Variants in PPP1R3G observed in about 807,000 individuals in gnomAD.
The protein encoded by PPP1R3G is protein phosphatase 1, regulatory (inhibitor) subunit 3G.
Under a neutral mutation model 2.0 loss-of-function variants are expected in PPP1R3G, and 3 were observed. The observed-to-expected ratio is 1.47, with a 90% CI of 0.67 to 3.81. The LOEUF is 3.81. Among genes scored for constraint, PPP1R3G ranks in the 30% most tolerant of loss-of-function variants. The pLI is 0.02. For missense variants in PPP1R3G, 595 were observed against 517.0 expected (o/e 1.15, Z -1.46); for synonymous variants, 267 against 250.9 (o/e 1.06, Z -0.61).
At position 5,085,640 on chromosome 6, in the gene PPP1R3G, C is replaced by A. The variant is rs926951900; in HGVS notation, c.155C>A (p.Ala52Asp). 6.5e-7 allele frequency: 1 copy of A among 1,548,828 alleles called. No homozygotes were observed. Among genetic ancestry groups the A allele is most frequent in the Non-Finnish European group, 8.7e-7 (1 of 1,146,564 alleles). The change falls in exon 1 of 1, where the codon GCT becomes GAT. Residue 52 changes from alanine to aspartate, a missense_variant. By Grantham distance (126) the Ala-to-Asp change is moderately radical. Transcript: ENST00000405617. ...GGASETPSPD[A>D]QLGDRPLSPK... The stretch of plus-strand genomic sequence containing the variant: ...GCTTCGGAGACCCCGAGTCCTGACG[C>A]TCAGCTAGGGGATAGGCCCCTGTCC...
chr6:5,086,703 C>T lies in PPP1R3G; in HGVS notation c.*141C>T. 2.8e-6 allele frequency: 2 copies of T among 707,944 alleles called. No homozygotes were observed. The highest frequency in any genetic ancestry group is 4.6e-6 in the Non-Finnish European group (2 of 436,382). The allele number at this position is 707,944 out of a possible 1,614,324, so 43.9% of individuals were successfully genotyped here. On this transcript the variant is annotated 3_prime_UTR_variant, in exon 1 of 1. Transcript: ENST00000405617. ...GGCGCGTGGAGGGAAAGGAGGGAGACTTTGAACCGTCGACTCGCACCCCCG... is the reference window on the plus strand; with the variant it reads ...GGCGCGTGGAGGGAAAGGAGGGAGATTTTGAACCGTCGACTCGCACCCCCG...
At position 5,088,910 on chromosome 6, in the gene PPP1R3G, C is replaced by T. The variant is rs542690036; in HGVS notation, c.*2348C>T. ...ATCAGTGCAACTGAAACATAGCACC[C>T]GTTTGAATTGGCTTCAAACTACAAA... On this transcript the variant is annotated 3_prime_UTR_variant, in exon 1 of 1. Transcript: ENST00000405617. The T allele has an allele frequency of 2.6e-5, 4 of 152,158 alleles. No homozygotes were observed. Among genetic ancestry groups the T allele is most frequent in the East Asian group, 1.9e-4 (1 of 5,192 alleles). The allele number at this position is 152,158 out of a possible 1,614,324, so 9.4% of individuals were successfully genotyped here.
At position 5,086,680 on chromosome 6, in the gene PPP1R3G, C is replaced by T. The variant is rs7762571; in HGVS notation, c.*118C>T. 0.028 allele frequency: 23,002 copies of T among 829,904 alleles called. 1,386 individuals carry two copies. The highest frequency in any genetic ancestry group is 0.2 in the African/African-American group (11,546 of 57,690). The allele number at this position is 829,904 out of a possible 1,614,324, so 51.4% of individuals were successfully genotyped here. A position where few individuals can be genotyped will look rare whatever the true frequency, so the allele number is the denominator to read the frequency against. Reference sequence around the variant, plus strand: ...AGCGTGGCGAGTCTGGCGTGAGGGGCGCGTGGAGGGAAAGGAGGGAGACTT... The same window carrying T: ...AGCGTGGCGAGTCTGGCGTGAGGGGTGCGTGGAGGGAAAGGAGGGAGACTT... On this transcript the variant is annotated 3_prime_UTR_variant, in exon 1 of 1. Coordinates refer to ENST00000405617, the MANE Select transcript of PPP1R3G (RefSeq NM_001145115.3).
rs1256080221 is a variant in PPP1R3G at position 5,087,362 on chromosome 6, C to G, written c.*800C>G. 2 of 152,376 alleles carry G rather than the reference C, an allele frequency of 1.3e-5. No individual in the cohort carries two copies. The highest frequency in any genetic ancestry group is 4.8e-5 in the African/African-American group (2 of 41,586). The allele number at this position is 152,376 out of a possible 1,614,324, so 9.4% of individuals were successfully genotyped here. On this transcript the variant is annotated 3_prime_UTR_variant, in exon 1 of 1. Coordinates refer to ENST00000405617, the MANE Select transcript of PPP1R3G (RefSeq NM_001145115.3). The stretch of plus-strand genomic sequence containing the variant: ...AAATTCCTCCCCTTCGTTCCTTCCT[C>G]TCTACTGCGAAAGGGCCCAAACTTC...
chr6:5,086,088 C>T lies in PPP1R3G; in HGVS notation c.603C>T (p.Phe201=), dbSNP rs757373670. ...SAPPSRLRPL[F]QLPGPSAAAE... is the part of the protein sequence containing the mutation. ...CGCCTTCCCGGCTCCGGCCGCTCTT[C>T]CAGCTCCCGGGGCCGAGCGCCGCGG... is the stretch of plus-strand genomic sequence containing the variant. The change falls in exon 1 of 1, where the codon TTC becomes TTT. Residue 201 remains phenylalanine (F), a synonymous_variant. Transcript: ENST00000405617. 18 of 1,467,890 alleles carry T rather than the reference C, an allele frequency of 1.2e-5. No individual in the cohort carries two copies. The South Asian group carries it at 2.4e-4, about 20-fold the overall frequency. The allele number at this position is 1,467,890 out of a possible 1,614,324, so 90.9% of individuals were successfully genotyped here.
rs943594344 is a variant in PPP1R3G at position 5,088,640 on chromosome 6, AC to A, written c.*2082del. The A allele has an allele frequency of 6.6e-6, 1 of 152,168 alleles. No homozygotes were observed. Among genetic ancestry groups the A allele is most frequent in the African/African-American group, 2.4e-5 (1 of 41,438 alleles). 9.4% of individuals were successfully genotyped at this position (152,168 alleles called of 1,614,324 possible). On this transcript the variant is annotated 3_prime_UTR_variant, in exon 1 of 1. Transcript: ENST00000405617. The stretch of plus-strand genomic sequence containing the variant: ...TGGCCCTTTTACAAAAGGCTGGCCA[AC>A]CCCTGCTCTAGGGAAGTAGTGTTTT...
In PPP1R3G at chr6:5,086,488, C is replaced by G; in HGVS notation, c.1003C>G (p.Gln335Glu). ...CTTCGCTGTCTGCTACCGCTGCGCG[C>G]AGGGCGAGTACTGGGACAACAACGC... Reference protein sequence around the residue: ...VHFAVCYRCAQGEYWDNNAGA... With the variant: ...VHFAVCYRCAEGEYWDNNAGA... Residue 335 changes from glutamine (Q) to glutamate (E), a missense_variant, in exon 1 of 1, where the codon CAG (glutamine) becomes GAG (glutamate). Gln to Glu is a conservative substitution (Grantham distance 29). Transcript: ENST00000405617. 1.3e-6 allele frequency: 2 copies of G among 1,537,580 alleles called. No homozygotes were observed. Among genetic ancestry groups the G allele is most frequent in the South Asian group, 2.4e-5 (2 of 83,994 alleles).
chr6:5,086,818 C>A lies in PPP1R3G; in HGVS notation c.*256C>A. The A allele has an allele frequency of 3.9e-6, 2 of 517,836 alleles. No individual in the cohort carries two copies. Among genetic ancestry groups the A allele is most frequent in the Non-Finnish European group, 6.7e-6 (2 of 296,538 alleles). The allele number at this position is 517,836 out of a possible 1,614,324, so 32.1% of individuals were successfully genotyped here. The stretch of plus-strand genomic sequence containing the variant: ...CGTCCGTTTGACCTTCCTACAAGGC[C>A]TCTAGAATTCCCAGCCTGCGTCAGA... On this transcript the variant is annotated 3_prime_UTR_variant, in exon 1 of 1. Coordinates refer to ENST00000405617, the MANE Select transcript of PPP1R3G (RefSeq NM_001145115.3).
Position 5,086,344 on chromosome 6 carries a change from G to C in PPP1R3G, c.859G>C (p.Gly287Arg). The C allele has an allele frequency of 6.5e-7, 1 of 1,535,942 alleles. No individual in the cohort carries two copies. Among genetic ancestry groups the C allele is most frequent in the Non-Finnish European group, 8.7e-7 (1 of 1,146,734 alleles). ...GGCACCGTCTGGGGCCTCCGAGCCA[G>C]GGTCCGGGGATGCCAAGAAAGAGCC... ...PEAPSGASEP[G>R]SGDAKKEPGA... The change falls in exon 1 of 1, where the codon GGG becomes CGG. Residue 287 changes from glycine to arginine, a missense_variant. By Grantham distance (125) the Gly-to-Arg change is moderately radical (BLOSUM62 -2). Coordinates refer to ENST00000405617, the MANE Select transcript of PPP1R3G (RefSeq NM_001145115.3).
Position 5,086,221 on chromosome 6 carries a change from A to G in PPP1R3G, c.736A>G (p.Arg246Gly). 1 of 1,535,328 alleles carries G rather than the reference A, an allele frequency of 6.5e-7. No homozygotes were observed. The highest frequency in any genetic ancestry group is 1.2e-5 in the South Asian group (1 of 84,034). ...SGRVLSCPGP[R>G]AVTVRYTFTE... Reference sequence around the variant, plus strand: ...CCGGGTGCTCAGCTGCCCTGGGCCCAGGGCCGTGACCGTGCGCTACACCTT... The same window carrying G: ...CCGGGTGCTCAGCTGCCCTGGGCCCGGGGCCGTGACCGTGCGCTACACCTT... Residue 246 changes from arginine (R) to glycine (G), a missense_variant, in exon 1 of 1, where the codon AGG becomes GGG. Coordinates refer to ENST00000405617, the MANE Select transcript of PPP1R3G (RefSeq NM_001145115.3).
rs761107908 is a variant in PPP1R3G at position 5,086,493 on chromosome 6, C to A, written c.1008C>A (p.Gly336=). Residue 336 remains glycine, a synonymous_variant, in exon 1 of 1, where the codon GGC becomes GGA. Transcript: ENST00000405617. ...CTGTCTGCTACCGCTGCGCGCAGGG[C>A]GAGTACTGGGACAACAACGCGGGCG... ...HFAVCYRCAQ[G]EYWDNNAGAN... is the part of the protein sequence containing the mutation. 184 of 1,537,496 alleles carry A rather than the reference C, an allele frequency of 1.2e-4. No individual in the cohort carries two copies. Among genetic ancestry groups the A allele is most frequent in the Non-Finnish European group, 1.0e-4 (115 of 1,146,274 alleles).
rs538347033 is a variant in PPP1R3G at position 5,088,587 on chromosome 6, G to T, written c.*2025G>T. 1 of 152,336 alleles carries T rather than the reference G, an allele frequency of 6.6e-6. No individual in the cohort carries two copies. Among genetic ancestry groups the T allele is most frequent in the South Asian group, 2.1e-4 (1 of 4,826 alleles). The allele number at this position is 152,336 out of a possible 1,614,324, so 9.4% of individuals were successfully genotyped here. On this transcript the variant is annotated 3_prime_UTR_variant, in exon 1 of 1. Transcript: ENST00000405617. The stretch of plus-strand genomic sequence containing the variant: ...AGTGGAGTAGACACAGCAGAGACCA[G>T]ATGGCAAAGTGTAAAATATTTACTA...
chr6:5,085,866 G>A lies in PPP1R3G; in HGVS notation c.381G>A (p.Lys127=), dbSNP rs1294961303. The A allele has an allele frequency of 1.3e-6, 2 of 1,530,990 alleles. No homozygotes were observed. Among genetic ancestry groups the A allele is most frequent in the Admixed American group, 3.9e-5 (2 of 50,786 alleles). The allele number at this position is 1,530,990 out of a possible 1,614,324, so 94.8% of individuals were successfully genotyped here. Residue 127 remains lysine, a synonymous_variant, in exon 1 of 1, where the codon AAG becomes AAA. Coordinates refer to ENST00000405617, the MANE Select transcript of PPP1R3G (RefSeq NM_001145115.3). Reference sequence around the variant, plus strand: ...TCGGCCCGGGCGGCTGCTGCGCCAAGTGCAAGAAGCGGGTGCAGTTCGCGG... The same window carrying A: ...TCGGCCCGGGCGGCTGCTGCGCCAAATGCAAGAAGCGGGTGCAGTTCGCGG... ...AQLGPGGCCA[K]CKKRVQFADT... is the part of the protein sequence containing the mutation.
In PPP1R3G at chr6:5,086,480, G is replaced by A; in HGVS notation, c.995G>A (p.Arg332His). 6.5e-7 allele frequency: 1 copy of A among 1,537,322 alleles called. No individual in the cohort carries two copies. The highest frequency in any genetic ancestry group is 8.7e-7 in the Non-Finnish European group (1 of 1,146,558). ...GVAVHFAVCY[R>H]CAQGEYWDNN... is the part of the protein sequence containing the mutation. ...GCGGTCCACTTCGCTGTCTGCTACC[G>A]CTGCGCGCAGGGCGAGTACTGGGAC... The change falls in exon 1 of 1, where the codon CGC (arginine) becomes CAC (histidine). Residue 332 changes from arginine (R) to histidine (H), a missense_variant. Arg to His is a conservative substitution (Grantham distance 29). Transcript: ENST00000405617.
rs769227092 is a variant in PPP1R3G at position 5,086,172 on chromosome 6, G to A, written c.687G>A (p.Ser229=). The A allele has an allele frequency of 1.3e-6, 2 of 1,530,460 alleles. No homozygotes were observed. The highest frequency in any genetic ancestry group is 1.4e-5 in the African/African-American group (1 of 72,792). The allele number at this position is 1,530,460 out of a possible 1,614,324, so 94.8% of individuals were successfully genotyped here. ...CLERVQCSTA[S]GAEVKGSGRV... is the part of the protein sequence containing the mutation. ...AGCGCGTGCAGTGCTCGACGGCCTC[G>A]GGCGCTGAGGTGAAGGGCTCCGGCC... The change falls in exon 1 of 1, where the codon TCG becomes TCA. Residue 229 remains serine (S), a synonymous_variant. Coordinates refer to ENST00000405617, the MANE Select transcript of PPP1R3G (RefSeq NM_001145115.3).
In PPP1R3G at chr6:5,086,564, C is replaced by G; in HGVS notation, c.*2C>G. ...GCGCGCCCTGCGGACGCGCTCTGAG[C>G]CTGGAGAGTTTCGAAGAGCCGTGGG... On this transcript the variant is annotated 3_prime_UTR_variant, in exon 1 of 1. Coordinates refer to ENST00000405617, the MANE Select transcript of PPP1R3G (RefSeq NM_001145115.3). The G allele has an allele frequency of 1.3e-6, 2 of 1,506,724 alleles. No homozygotes were observed. Among genetic ancestry groups the G allele is most frequent in the Non-Finnish European group, 1.8e-6 (2 of 1,128,966 alleles). 93.3% of individuals were successfully genotyped at this position (1,506,724 alleles called of 1,614,324 possible).
rs1269310195 is a variant in PPP1R3G at position 5,088,966 on chromosome 6, G to A, written c.*2404G>A. The A allele has an allele frequency of 6.6e-6, 1 of 152,194 alleles. No homozygotes were observed. Among genetic ancestry groups the A allele is most frequent in the East Asian group, 1.9e-4 (1 of 5,196 alleles). 9.4% of individuals were successfully genotyped at this position (152,194 alleles called of 1,614,324 possible). The stretch of plus-strand genomic sequence containing the variant: ...CAGATATTTCTCTGTGCTTCAAAAT[G>A]TGGCATCTTACACAATGGAAGTATT... On this transcript the variant is annotated 3_prime_UTR_variant, in exon 1 of 1. Transcript: ENST00000405617.
Position 5,086,645 on chromosome 6 carries a change from C to T in PPP1R3G, c.*83C>T. On this transcript the variant is annotated 3_prime_UTR_variant, in exon 1 of 1. Transcript: ENST00000405617. Reference sequence around the variant, plus strand: ...TGCCGCCTCAAGGAACTTGCTGGGACGCTTTGCTGAGCGTGGCGAGTCTGG... The same window carrying T: ...TGCCGCCTCAAGGAACTTGCTGGGATGCTTTGCTGAGCGTGGCGAGTCTGG... 3 of 1,187,350 alleles carry T rather than the reference C, an allele frequency of 2.5e-6. No homozygotes were observed. In the South Asian group the frequency reaches 4.8e-5, roughly 19 times the overall value. 73.6% of individuals were successfully genotyped at this position (1,187,350 alleles called of 1,614,324 possible).
rs552288562 is a variant in PPP1R3G, at chr6:5,085,660, C to G, written c.175C>G (p.Leu59Val). The G allele has an allele frequency of 1.2e-5, 18 of 1,548,626 alleles. No individual in the cohort carries two copies. The East Asian group carries it at 1.7e-4, about 15-fold the overall frequency. The change falls in exon 1 of 1, where the codon CTG becomes GTG. Residue 59 changes from leucine (L) to valine (V), a missense_variant. By Grantham distance (32) the Leu-to-Val change is conservative (BLOSUM62 1). Coordinates refer to ENST00000405617, the MANE Select transcript of PPP1R3G (RefSeq NM_001145115.3). ...TGACGCTCAGCTAGGGGATAGGCCC[C>G]TGTCCCCGAAGGAAGAGGCCGCCCC... The part of the protein sequence containing the change: ...SPDAQLGDRP[L>V]SPKEEAAPQE...
Sources: allele counts gnomAD v4.1 joint callset, GRCh38; gene constraint gnomAD v4.1.1; transcripts MANE v1.5; gene names NCBI Gene and HGNC (gene_info 2026-07-23, HGNC 2026-07-21).